Variants in VWC2L observed in about 807,000 individuals in gnomAD.
The protein encoded by VWC2L is von Willebrand factor C domain-containing protein 2-like.
A neutral mutation model predicts 21.6 loss-of-function variants in VWC2L; 10 were observed. That is an observed-to-expected ratio of 0.46 (90% CI 0.29 to 0.78). VWC2L has a LOEUF of 0.78. Among genes scored for constraint, VWC2L ranks in the 30% least tolerant of loss-of-function variants. The pLI is 0.10. For missense variants in VWC2L, 209 were observed against 277.1 expected (o/e 0.75, Z 1.74); for synonymous variants, 96 against 94.3 (o/e 1.02, Z -0.10).
intron 3 of VWC2L, among the ~76,000 whole-genome samples, chr2:214,468,206 G>A (rs954003102): frequency 9.2e-5 from 14 of 152,078 alleles, no homozygotes; most frequent in African/African-American, 2.2e-4. Context: ...TATTAAAGAC[G>A]GAGTTTCACC....
intron 3 of VWC2L, among the ~76,000 whole-genome samples, chr2:214,504,348 G>T (rs1321887659): frequency 6.6e-6 from 1 of 152,200 alleles, no homozygotes; most frequent in Non-Finnish European, 1.5e-5. Flanking sequence ...TAACATGGAT[G>T]GGCTGCTGTC....
chr2:214,452,365 TCTA>T (rs1428565257), intron 3 of VWC2L, among the ~76,000 whole-genome samples: 1 of 152,168 alleles, frequency 6.6e-6, no homozygotes, highest in Non-Finnish European at 1.5e-5. Context: ...CAGGCTAGTC[TCTA>T]CTCTTTTTCA....
intron 3 of VWC2L, among the ~76,000 whole-genome samples, chr2:214,471,944 C>T (rs1164855486): frequency 1.9e-4 from 29 of 152,230 alleles, no homozygotes; most frequent in Admixed American, 1.4e-3. Flanking sequence ...TTTAGGCCTA[C>T]GTAAATTAAG....
intron 1 of VWC2L, among the ~76,000 whole-genome samples, chr2:214,413,602 T>C (rs1355462006): frequency 6.6e-6 from 1 of 152,194 alleles, no homozygotes; most frequent in Non-Finnish European, 1.5e-5. Context: ...GGAAATCCTT[T>C]ATAGTAGCTC....
intron 3 of VWC2L, among the ~76,000 whole-genome samples, chr2:214,554,206 T>C (rs2105926438): frequency 6.6e-6 from 1 of 152,356 alleles, no homozygotes; most frequent in Non-Finnish European, 1.5e-5. Flanking sequence ...TACATTCTTC[T>C]GTAACACCCT....
chr2:214,462,799 T>C (rs577286622), intron 3 of VWC2L, among the ~76,000 whole-genome samples: 1 of 152,292 alleles, frequency 6.6e-6, no homozygotes, highest in Admixed American at 6.5e-5. Context: ...TTCTCTAAAT[T>C]CTGCTTTAGT....
At chr2:214,541,095 C>T (rs538711512) in intron 3 of VWC2L, among the ~76,000 whole-genome samples, 1 of 152,260 alleles carries the variant, frequency 6.6e-6, no homozygotes, top group Admixed American at 6.5e-5. Flanking sequence ...TTTGCTTATA[C>T]CAACTCCAGA....
intron 3 of VWC2L, among the ~76,000 whole-genome samples, chr2:214,488,838 G>A (rs1688708761): frequency 1.3e-5 from 2 of 152,100 alleles, no homozygotes; most frequent in South Asian, 4.1e-4. Context: ...AGAGAGAGGA[G>A]GGAGGTGCCA....
At chr2:214,537,394 A>G (rs1489531872) in intron 3 of VWC2L, among the ~76,000 whole-genome samples, 1 of 152,050 alleles carries the variant, frequency 6.6e-6, no homozygotes, top group Admixed American at 6.6e-5. Flanking sequence ...GGAAGACATT[A>G]TGCCAAGTAA....
intron 3 of VWC2L, among the ~76,000 whole-genome samples, chr2:214,572,118 C>T (rs1194528430): frequency 6.6e-6 from 1 of 152,160 alleles, no homozygotes. Flanking sequence ...AAAAGAGAGG[C>T]CCTCACCACA....
intron 2 of VWC2L, among the ~76,000 whole-genome samples, chr2:214,433,184 T>TATATATATATA (rs1559289359): frequency 1.2e-4 from 14 of 112,262 alleles, no homozygotes; most frequent in African/African-American, 4.1e-4. Flanking sequence ...ATATATATAT[T>TATATATATATA]ATATATAAAT....
chr2:214,537,901 C>CTTT (rs35664504), intron 3 of VWC2L, among the ~76,000 whole-genome samples: 27,081 of 135,420 alleles, frequency 0.2, 2,871 homozygotes, highest in East Asian at 0.24. Context: ...GGATAGTGGC[C>CTTT]TTTTTTTTTT....
chr2:214,578,259 G>A lies in VWC2L; in HGVS notation c.*2439G>A, dbSNP rs907167760. ...TCCTTTTTTAGAAAACAGAAAGAGAGTACAACTGGGAAGCTGAAGTGCAGA... is the reference window on the plus strand; with the variant it reads ...TCCTTTTTTAGAAAACAGAAAGAGAATACAACTGGGAAGCTGAAGTGCAGA... On this transcript the variant is annotated 3_prime_UTR_variant, in exon 4 of 4. Transcript: ENST00000312504. 6 of 152,260 alleles carry A rather than the reference G, an allele frequency of 3.9e-5. No homozygotes were observed. In the East Asian group the frequency reaches 9.7e-4, roughly 25 times the overall value. The allele number at this position is 152,260 out of a possible 1,614,324, so 9.4% of individuals were successfully genotyped here.
At chr2:214,528,976 A>G (rs1408590387) in intron 3 of VWC2L, among the ~76,000 whole-genome samples, 3 of 152,178 alleles carry the variant, frequency 2.0e-5, no homozygotes, top group African/African-American at 7.2e-5. Context: ...ACCTACAAAA[A>G]TAGCCATTTC....
At chr2:214,414,058 G>C (rs1702316567) in intron 1 of VWC2L, 56 bp from the exon 2 acceptor site, 1 of 1,001,350 alleles carries the variant, frequency 1.0e-6, no homozygotes, top group Non-Finnish European at 1.4e-6. Flanking sequence ...GGGCTTAAAT[G>C]AATCTATCTT....
chr2:214,491,553 G>GTT, intron 3 of VWC2L, among the ~76,000 whole-genome samples: 1 of 152,182 alleles, frequency 6.6e-6, no homozygotes, highest in African/African-American at 2.4e-5. Flanking sequence ...TAGATGTTAT[G>GTT]TAATGTTACA....
intron 3 of VWC2L, among the ~76,000 whole-genome samples, chr2:214,452,910 T>C (rs1030624643): frequency 6.6e-6 from 1 of 152,232 alleles, no homozygotes; most frequent in Admixed American, 6.5e-5. Context: ...GTTCAAATCA[T>C]TTGCTCATTT....
At chr2:214,442,337 G>A (rs1702773690) in intron 3 of VWC2L, among the ~76,000 whole-genome samples, 1 of 152,154 alleles carries the variant, frequency 6.6e-6, no homozygotes, top group Non-Finnish European at 1.5e-5. Context: ...AAGAGCTAAA[G>A]TCTTTAAAAC....
chr2:214,569,049 T>C (rs1309928983), intron 3 of VWC2L, among the ~76,000 whole-genome samples: 1 of 152,198 alleles, frequency 6.6e-6, no homozygotes, highest in African/African-American at 2.4e-5. Flanking sequence ...CATAAACTAA[T>C]TCAAGGCAAT....
Sources: allele counts gnomAD v4.1 joint callset (sites outside exome capture counted in the v4.1 genomes callset), GRCh38; gene constraint gnomAD v4.1.1; transcripts MANE v1.5; gene names NCBI Gene and HGNC (gene_info 2026-07-23, HGNC 2026-07-21).